KCNK12: variants seen among roughly 807,000 people sequenced by gnomAD.
KCNK12 encodes the protein potassium two pore domain channel subfamily K member 12.
Under a neutral mutation model 25.3 loss-of-function variants are expected in KCNK12, and 6 were observed. That is an observed-to-expected ratio of 0.24 (90% CI 0.13 to 0.47). KCNK12 has a LOEUF of 0.47. KCNK12 is among the 20% of genes least tolerant of loss of function. The probability of loss-of-function intolerance (pLI) is 0.99; values close to 1 mark genes in which losing one functional copy is unlikely to be tolerated. For synonymous variants in KCNK12, 331 were observed against 311.1 expected, an observed-to-expected ratio of 1.06 and a Z score of -0.67; for missense variants, 444 against 661.7, an observed-to-expected ratio of 0.67 and a Z score of 3.61.
In KCNK12 at chr2:47,512,498, A is replaced by G; in HGVS notation, c.*8409T>C. ...TAATTCTACAAACATCCCTTCTGTA[A>G]ACATTTCCCTCAAAATGGAGCAGGA... On this transcript the variant is annotated 3_prime_UTR_variant, in exon 2 of 2. Transcript: ENST00000327876. 1.3e-6 allele frequency: 2 copies of G among 1,491,560 alleles called. No homozygotes were observed. Among genetic ancestry groups the G allele is most frequent in the Non-Finnish European group, 1.8e-6 (2 of 1,110,572 alleles). The allele number at this position is 1,491,560 out of a possible 1,614,324, so 92.4% of individuals were successfully genotyped here. A position where few individuals can be genotyped will look rare whatever the true frequency, so the allele number is the denominator to read the frequency against.
Position 47,521,536 on chromosome 2 carries a change from G to A in KCNK12, c.664C>T (p.Leu222=). ...SVYHVLLILG[L]FAVLLSCCAS... ...CAGCAGGACAGCAGCACGGCGAACA[G>A]GCCCAGGATGAGCAGCACGTGGTAC... Residue 222 remains leucine (L), a synonymous_variant, in exon 2 of 2, where the codon CTG becomes TTG. Transcript: ENST00000327876. 1 of 1,567,416 alleles carries A rather than the reference G, an allele frequency of 6.4e-7. No homozygotes were observed. Among genetic ancestry groups the A allele is most frequent in the East Asian group, 2.4e-5 (1 of 42,012 alleles).
rs561227902 is a variant in KCNK12 at position 47,516,327 on chromosome 2, G to T, written c.*4580C>A. ...GATCCTTTAAAGCTCCATTTGGAGA[G>T]CCTCGGGCACAGCCAGGTTGGATCC... On this transcript the variant is annotated 3_prime_UTR_variant, in exon 2 of 2. Coordinates refer to ENST00000327876, the MANE Select transcript of KCNK12 (RefSeq NM_022055.2). 6.6e-6 allele frequency among the ~76,000 whole-genome samples: 1 copy of T among 152,340 alleles called. No individual in the cohort carries two copies. Among genetic ancestry groups the T allele is most frequent in the East Asian group, 1.9e-4 (1 of 5,174 alleles).
intron 1 of KCNK12, among the ~76,000 whole-genome samples, chr2:47,542,144 C>G (rs1669214944): frequency 6.6e-6 from 1 of 152,242 alleles, no homozygotes; most frequent in African/African-American, 2.4e-5. Flanking sequence ...AAGGAACCAG[C>G]TGCTTCCATC....
In KCNK12 at chr2:47,516,450, T is replaced by G. The variant is rs2104691888; in HGVS notation, c.*4457A>C. The G allele has an allele frequency of 6.6e-6, 1 of 152,296 alleles. No homozygotes were observed. Among genetic ancestry groups the G allele is most frequent in the African/African-American group, 2.4e-5 (1 of 41,550 alleles). The allele number at this position is 152,296 out of a possible 1,614,324, so 9.4% of individuals were successfully genotyped here. A position where few individuals can be genotyped will look rare whatever the true frequency, so the allele number is the denominator to read the frequency against. The stretch of plus-strand genomic sequence containing the variant: ...TTTCACTGTTGTTTTGTAGAGCAAC[T>G]TCCCAGTGATGCTGCCACTGGGCCC... On this transcript the variant is annotated 3_prime_UTR_variant, in exon 2 of 2. Transcript: ENST00000327876.
intron 1 of KCNK12, chr2:47,564,929 A>T (rs1314072976): frequency 6.6e-6 from 1 of 152,098 alleles, no homozygotes; most frequent in African/African-American, 2.4e-5. Context: ...GCACGCTGAA[A>T]GGCTGGGGTA....
At chr2:47,549,534 T>G (rs1000774190) in intron 1 of KCNK12, among the ~76,000 whole-genome samples, 1 of 152,214 alleles carries the variant, frequency 6.6e-6, no homozygotes, top group Non-Finnish European at 1.5e-5. Flanking sequence ...CAAAGGCATT[T>G]AAATACCTGT....
chr2:47,551,291 A>C lies in KCNK12; in HGVS notation c.391+18650T>G, dbSNP rs1281478137. On this transcript the variant is annotated intron_variant, in intron 1 of 1. Transcript: ENST00000327876. This position sits in a 1 kb window ranked among gnomAD's most constrained non-coding sequence, Gnocchi z 5.3. The stretch of plus-strand genomic sequence containing the variant: ...CTTCCTCCAGGCAGCCACATGGCTC[A>C]CTCCCTTACCTCATTCCAAGCCTCC... Among the ~76,000 whole-genome samples the C allele has an allele frequency of 7.5e-6, 1 of 133,812 alleles. No individual in the cohort carries two copies. The highest frequency in any genetic ancestry group is 1.7e-5 in the Non-Finnish European group (1 of 59,128). The allele number at this position is 133,812 out of a possible 152,430, so 87.8% of individuals were successfully genotyped here.
At chr2:47,522,186 C>T (rs1668673821) in intron 1 of KCNK12, among the ~76,000 whole-genome samples, 1 of 152,292 alleles carries the variant, frequency 6.6e-6, no homozygotes, top group East Asian at 1.9e-4. Context: ...CTCTCCCACT[C>T]CTCCAAATTT....
intron 1 of KCNK12, chr2:47,563,038 C>G (rs749425178): frequency 4.7e-5 from 11 of 233,250 alleles, no homozygotes; most frequent in Non-Finnish European, 5.1e-5. Context: ...AGACCAACGG[C>G]CTTTTGTTGT....
rs528646313 is a variant in KCNK12, at chr2:47,528,807, C to T, written c.392-6999G>A. Among the ~76,000 whole-genome samples, 4 of 152,276 alleles carry T rather than the reference C, an allele frequency of 2.6e-5. No individual in the cohort carries two copies. Among genetic ancestry groups the T allele is most frequent in the South Asian group, 2.1e-4 (1 of 4,828 alleles). The stretch of plus-strand genomic sequence containing the variant: ...AATGGGGCCCTGGTGATGGGGCCTT[C>T]GGAGTTCAGCTCAGAGAGCATGGAA... On this transcript the variant is annotated intron_variant, in intron 1 of 1. Transcript: ENST00000327876. This position sits in a 1 kb window ranked among gnomAD's most constrained non-coding sequence, Gnocchi z 4.5.
Position 47,535,304 on chromosome 2 carries a change from G to A in KCNK12, c.392-13496C>T, listed in dbSNP as rs868846228. Reference sequence around the variant, plus strand: ...AGCCCGACCTGCACCTGCCCTATGGGCTGGTAAAGGGGCTGCCCACAGCAC... The same window carrying A: ...AGCCCGACCTGCACCTGCCCTATGGACTGGTAAAGGGGCTGCCCACAGCAC... On this transcript the variant is annotated intron_variant, in intron 1 of 1. Coordinates refer to ENST00000327876, the MANE Select transcript of KCNK12 (RefSeq NM_022055.2). 8 of 233,220 alleles carry A rather than the reference G, an allele frequency of 3.4e-5. No homozygotes were observed. In the South Asian group the frequency reaches 1.4e-3, roughly 42 times the overall value. 14.4% of individuals were successfully genotyped at this position (233,220 alleles called of 1,614,324 possible). A position where few individuals can be genotyped will look rare whatever the true frequency, so the allele number is the denominator to read the frequency against.
intron 1 of KCNK12, among the ~76,000 whole-genome samples, chr2:47,567,562 A>G (rs1488915715): frequency 2.0e-5 from 3 of 152,200 alleles, no homozygotes; most frequent in Non-Finnish European, 4.4e-5. Flanking sequence ...TGACTGATGG[A>G]AGTGACCAAT....
rs368863325 is a variant in KCNK12, at chr2:47,525,597, A to T, written c.392-3789T>A. Among the ~76,000 whole-genome samples, 22 of 152,046 alleles carry T rather than the reference A, an allele frequency of 1.4e-4. 1 individual carries two copies. Among genetic ancestry groups the T allele is most frequent in the Admixed American group, 1.2e-3 (19 of 15,274 alleles). On this transcript the variant is annotated intron_variant, in intron 1 of 1. Transcript: ENST00000327876. The surrounding 1 kb of genome is among the most constrained non-coding windows in gnomAD (Gnocchi z 4.1). ...CTTCAAGGGCTTGCTTCATCAGGAG[A>T]TGTGAGGGTGACATGGGTCACCAGA...
chr2:47,535,129 A>C, intron 1 of KCNK12: 1 of 231,484 alleles, frequency 4.3e-6, no homozygotes, highest in Non-Finnish European at 8.6e-6. Flanking sequence ...AGGTGTCCCC[A>C]TGCTTGGTCT....
chr2:47,522,249 G>C (rs1453052458), intron 1 of KCNK12, among the ~76,000 whole-genome samples: 1 of 152,052 alleles, frequency 6.6e-6, no homozygotes, highest in Non-Finnish European at 1.5e-5. Context: ...TAATATACTA[G>C]TCTAGGTGAG....
Position 47,515,927 on chromosome 2 carries a change from T to C in KCNK12, c.*4980A>G, listed in dbSNP as rs1668514475. Among the ~76,000 whole-genome samples the C allele has an allele frequency of 6.6e-6, 1 of 152,200 alleles. No individual in the cohort carries two copies. Among genetic ancestry groups the C allele is most frequent in the African/African-American group, 2.4e-5 (1 of 41,450 alleles). On this transcript the variant is annotated 3_prime_UTR_variant, in exon 2 of 2. Transcript: ENST00000327876. ...AATAGGGCAGCCTGGTCCCATATCC[T>C]CATGAAATGCCTCTTATAATTGTGA...
chr2:47,550,264 T>G (rs1434967374), intron 1 of KCNK12, among the ~76,000 whole-genome samples: 1 of 150,914 alleles, frequency 6.6e-6, no homozygotes. Flanking sequence ...CAAAGGAAAC[T>G]ACACAAAGGC....
intron 1 of KCNK12, among the ~76,000 whole-genome samples, chr2:47,539,841 C>T (rs1479193032): frequency 6.6e-6 from 1 of 150,906 alleles, no homozygotes; most frequent in South Asian, 2.1e-4. Flanking sequence ...GTGCTCAGGA[C>T]CATCCACAGC....
At chr2:47,527,640 G>C (rs1295285366) in intron 1 of KCNK12, 3 of 152,226 alleles carry the variant, frequency 2.0e-5, no homozygotes, top group Non-Finnish European at 4.4e-5. Context: ...TGGACTCCTG[G>C]CTTCTGCCCA....
Sources: gnomAD v4.1 joint callset for allele counts (sites outside exome capture counted in the v4.1 genomes callset) on GRCh38, gnomAD v4.1.1 for gene constraint, Gnocchi (gnomAD v3.1) non-coding constraint, MANE v1.5 for transcripts, NCBI Gene and HGNC (gene_info 2026-07-23, HGNC 2026-07-21) for gene names.